Variants in ETV5 observed in about 807,000 individuals in gnomAD.
ETV5 encodes ETS variant transcription factor 5.
In ETV5, 10 loss-of-function variants were observed where a neutral mutation model predicts 70.0. The observed-to-expected ratio is 0.14, with a 90% CI of 0.09 to 0.24. The LOEUF (loss-of-function observed/expected upper bound fraction) is 0.24, where lower values mean the gene tolerates loss of function less well. Among genes scored for constraint, ETV5 ranks in the 10% least tolerant of loss-of-function variants. The pLI, the probability that ETV5 is intolerant of heterozygous loss-of-function variation, is 1.00. For missense variants in ETV5, 453 were observed against 651.2 expected (o/e 0.70, Z 3.31); for synonymous variants, 216 against 242.2 (o/e 0.89, Z 1.01).
chr3:186,085,010 G>A (rs1182832431), intron 5 of ETV5, among the ~76,000 whole-genome samples: 1 of 152,144 alleles, frequency 6.6e-6, no homozygotes, highest in Non-Finnish European at 1.5e-5. Context: ...TTTATGCCCA[G>A]TTGCTCTTAC....
At chr3:186,084,450 TTTCTTTCTGTC>T (rs1314270287) in intron 5 of ETV5, among the ~76,000 whole-genome samples, 1 of 146,794 alleles carries the variant, frequency 6.8e-6, no homozygotes, top group Non-Finnish European at 1.5e-5. Flanking sequence ...CATGAAGATC[TTTCTTTCTGTC>T]TTCATTCATT....
In ETV5 at chr3:186,097,028, T is replaced by G. The variant is rs147945275; in HGVS notation, c.232+8277A>C. ...CACACCCGCTTGGCCAATTAATCAA[T>G]CAATCAATCAAGGCTGGATGCTATT... On this transcript the variant is annotated intron_variant, in intron 5 of 12. Transcript: ENST00000306376. Among the ~76,000 whole-genome samples the G allele has an allele frequency of 1.5e-3, 226 of 152,250 alleles. 1 individual carries two copies. Among genetic ancestry groups the G allele is most frequent in the African/African-American group, 5.1e-3 (212 of 41,550 alleles).
intron 5 of ETV5, among the ~76,000 whole-genome samples, chr3:186,087,340 G>A (rs1714082843): frequency 1.3e-5 from 2 of 152,156 alleles, no homozygotes; most frequent in Admixed American, 1.3e-4. Context: ...GGTTACTCTC[G>A]ACGGGGTGGT....
intron 7 of ETV5, among the ~76,000 whole-genome samples, chr3:186,073,346 C>A (rs1713691220): frequency 6.6e-6 from 1 of 152,300 alleles, no homozygotes; most frequent in South Asian, 2.1e-4. Context: ...ATTTACTGAA[C>A]ACCTCTGTCC....
chr3:186,073,428 G>GA (rs1429966059), intron 7 of ETV5, among the ~76,000 whole-genome samples: 1 of 152,166 alleles, frequency 6.6e-6, no homozygotes, highest in Non-Finnish European at 1.5e-5. Flanking sequence ...ACGAAGAAAC[G>GA]AAAGTTTGGA....
Position 186,057,777 on chromosome 3 carries a change from G to T in ETV5, c.971-286C>A, listed in dbSNP as rs943969233. 1.3e-5 allele frequency among the ~76,000 whole-genome samples: 2 copies of T among 152,178 alleles called. No homozygotes were observed. Among genetic ancestry groups the T allele is most frequent in the Admixed American group, 6.6e-5 (1 of 15,266 alleles). ...CGTTCCTTTGCATTTTGCTTCTGAG[G>T]TCTGCATGGATCAATGTTGCTCTGA... On this transcript the variant is annotated intron_variant, in intron 9 of 12. Transcript: ENST00000306376. The surrounding 1 kb of genome is among the most constrained non-coding windows in gnomAD (Gnocchi z 4.9).
rs375335586 is a variant in ETV5 at position 186,105,892 on chromosome 3, C to T, written c.-24G>A. On this transcript the variant is annotated 5_prime_UTR_variant, in exon 2 of 13. Transcript: ENST00000306376. The surrounding 1 kb of genome is among the most constrained non-coding windows in gnomAD (Gnocchi z 4.5). ...ATGGTGCTTTCAGCGTCTCTAATAC[C>T]ACTTTGAGAGGTTTCAGCATTGAGT... 3.6e-5 allele frequency: 58 copies of T among 1,612,766 alleles called. No individual in the cohort carries two copies. The East Asian group carries it at 1.2e-3, about 35-fold the overall frequency.
At chr3:186,078,934 A>T in intron 7 of ETV5, 1 of 393,532 alleles carries the variant, frequency 2.5e-6, no homozygotes, top group Non-Finnish European at 3.8e-6. Flanking sequence ...GGAATGGACC[A>T]GGCCTGGGAA....
At position 186,057,560 on chromosome 3, in the gene ETV5, T is replaced by A. The variant is rs1578538207; in HGVS notation, c.971-69A>T. 6 of 1,316,840 alleles carry A rather than the reference T, an allele frequency of 4.6e-6. No homozygotes were observed. Among genetic ancestry groups the A allele is most frequent in the Middle Eastern group, 1.9e-4 (1 of 5,372 alleles). 81.6% of individuals were successfully genotyped at this position (1,316,840 alleles called of 1,614,324 possible). A position where few individuals can be genotyped will look rare whatever the true frequency, so the allele number is the denominator to read the frequency against. On this transcript the variant is annotated intron_variant, in intron 9 of 12. Transcript: ENST00000306376. This position sits in a 1 kb window ranked among gnomAD's most constrained non-coding sequence, Gnocchi z 4.9. ...CTGTGTTGTACTAAAACTATGGATT[T>A]AAGGACTAGAGTGCAATCCTATCAT...
Position 186,105,552 on chromosome 3 carries a change from A to G in ETV5, c.134-56T>C, listed in dbSNP as rs1473573811. 6.2e-7 allele frequency: 1 copy of G among 1,612,180 alleles called. No homozygotes were observed. Among genetic ancestry groups the G allele is most frequent in the East Asian group, 2.2e-5 (1 of 44,878 alleles). ...GGATATTTCTTTCGCTAGGGAGAAG[A>G]CAGGGAAGAATCTACACGCTACTGT... On this transcript the variant is annotated intron_variant, in intron 3 of 12. Coordinates refer to ENST00000306376, the MANE Select transcript of ETV5 (RefSeq NM_004454.3). This position sits in a 1 kb window ranked among gnomAD's most constrained non-coding sequence, Gnocchi z 4.5.
At chr3:186,080,183 G>GT (rs2150149351) in intron 6 of ETV5, 79 bp from the exon 7 acceptor site, 1 of 1,222,122 alleles carries the variant, frequency 8.2e-7, no homozygotes, top group Admixed American at 3.4e-5. Flanking sequence ...CAGAAAGCTA[G>GT]TTTGCAGCCC....
At chr3:186,065,770 G>T in intron 8 of ETV5, 43 bp downstream of exon 8, 1 of 1,612,062 alleles carries the variant, frequency 6.2e-7, no homozygotes, top group South Asian at 1.1e-5. Context: ...CGAGACAGAA[G>T]AATGCAAGAA....
chr3:186,060,314 C>T (rs573315559), intron 9 of ETV5, among the ~76,000 whole-genome samples: 3 of 152,178 alleles, frequency 2.0e-5, no homozygotes, highest in Non-Finnish European at 2.9e-5. Flanking sequence ...AGTATCACTG[C>T]GGTGTATCTT....
chr3:186,105,670 T>C lies in ETV5; in HGVS notation c.88A>G (p.Arg30Gly), dbSNP rs1714569980. 1 of 1,614,092 alleles carries C rather than the reference T, an allele frequency of 6.2e-7. No individual in the cohort carries two copies. The highest frequency in any genetic ancestry group is 8.5e-7 in the Non-Finnish European group (1 of 1,180,042). The change falls in exon 3 of 13, where the codon AGA (arginine) becomes GGA (glycine). Residue 30 changes from arginine (R) to glycine (G), a missense_variant. Physicochemically the swap from Arg to Gly is moderately radical, Grantham distance 125. Coordinates refer to ENST00000306376, the MANE Select transcript of ETV5 (RefSeq NM_004454.3). This position sits in a 1 kb window ranked among gnomAD's most constrained non-coding sequence, Gnocchi z 4.5. ...EECRGRPVIDRKRKFLDTDLA... is the reference protein window; with the variant it reads ...EECRGRPVIDGKRKFLDTDLA... ...TCTGTGTCCAAAAACTTCCTCTTTCTGTCAATCACAGGCCGCCCTCTGCAT... is the reference window on the plus strand; with the variant it reads ...TCTGTGTCCAAAAACTTCCTCTTTCCGTCAATCACAGGCCGCCCTCTGCAT...
chr3:186,108,946 C>T lies in ETV5; in HGVS notation c.-81G>A, dbSNP rs916953491. 8.1e-5 allele frequency: 13 copies of T among 159,946 alleles called. No individual in the cohort carries two copies. Among genetic ancestry groups the T allele is most frequent in the Non-Finnish European group, 1.8e-4 (13 of 72,522 alleles). 9.9% of individuals were successfully genotyped at this position (159,946 alleles called of 1,614,324 possible). On this transcript the variant is annotated 5_prime_UTR_variant, in exon 1 of 13. Transcript: ENST00000306376. Reference sequence around the variant, plus strand: ...CCCCGCAAAGCCCCCTCACCTGAGGCGGCCTCTCTCCTCCCCTTGCAGCGG... The same window carrying T: ...CCCCGCAAAGCCCCCTCACCTGAGGTGGCCTCTCTCCTCCCCTTGCAGCGG...
chr3:186,050,864 AG>A (rs1383876551), intron 12 of ETV5, among the ~76,000 whole-genome samples: 1 of 152,178 alleles, frequency 6.6e-6, no homozygotes. Context: ...GAAAACAAGG[AG>A]GGGCTGGCCA....
intron 5 of ETV5, among the ~76,000 whole-genome samples, chr3:186,090,574 T>C (rs1714158450): frequency 6.6e-6 from 1 of 152,180 alleles, no homozygotes; most frequent in Non-Finnish European, 1.5e-5. Flanking sequence ...AAATGGAGAA[T>C]TTCCACTCCT....
rs569687319 is a variant in ETV5 at position 186,104,741 on chromosome 3, T to C, written c.232+564A>G. Reference sequence around the variant, plus strand: ...TTTTGAGCTTAAAGCTTTGCAATATTCTTTTTTTTTTTTTTTTTGAGATGG... The same window carrying C: ...TTTTGAGCTTAAAGCTTTGCAATATCCTTTTTTTTTTTTTTTTTGAGATGG... On this transcript the variant is annotated intron_variant, in intron 5 of 12. Coordinates refer to ENST00000306376, the MANE Select transcript of ETV5 (RefSeq NM_004454.3). Among the ~76,000 whole-genome samples, 32 of 149,174 alleles carry C rather than the reference T, an allele frequency of 2.1e-4. No individual in the cohort carries two copies. The East Asian group carries it at 2.3e-3, about 11-fold the overall frequency.
chr3:186,080,190 G>T, intron 6 of ETV5, 86 bp from the exon 7 acceptor site: 2 of 1,120,306 alleles, frequency 1.8e-6, no homozygotes, highest in Non-Finnish European at 2.4e-6. Flanking sequence ...CTAGTTTGCA[G>T]CCCATTGTTG....
Sources: gnomAD v4.1 joint callset for allele counts (sites outside exome capture counted in the v4.1 genomes callset) on GRCh38, gnomAD v4.1.1 for gene constraint, Gnocchi (gnomAD v3.1) non-coding constraint, MANE v1.5 for transcripts, NCBI Gene and HGNC (gene_info 2026-07-23, HGNC 2026-07-21) for gene names.